Variants in CDH13 observed in about 807,000 individuals in gnomAD.
CDH13 encodes cadherin-13.
Under a neutral mutation model 63.8 loss-of-function variants are expected in CDH13, and 24 were observed. The ratio of observed to expected loss-of-function variants is 0.38; its 90% CI spans 0.27 to 0.53. The LOEUF (loss-of-function observed/expected upper bound fraction) is 0.53, where lower values mean the gene tolerates loss of function less well. Ranked by LOEUF, CDH13 falls within the 20% of genes least tolerant of loss-of-function variation. The pLI is 0.85. For missense variants in CDH13, 1,049 were observed against 903.1 expected, an observed-to-expected ratio of 1.16 and a Z score of -2.07; for synonymous variants, 503 against 355.3, an observed-to-expected ratio of 1.42 and a Z score of -4.67.
intron 1 of CDH13, among the ~76,000 whole-genome samples, chr16:82,774,730 G>A (rs944925020): frequency 6.6e-6 from 1 of 152,114 alleles, no homozygotes; most frequent in African/African-American, 2.4e-5. Flanking sequence ...GATAGGTGAG[G>A]CTCTGCTGCA....
chr16:83,628,336 G>A (rs917256886), intron 8 of CDH13, among the ~76,000 whole-genome samples: 3 of 152,122 alleles, frequency 2.0e-5, no homozygotes, highest in Admixed American at 6.5e-5. Context: ...TCAAACTCCT[G>A]AGCTCAAGTG....
At chr16:83,286,589 C>A (rs1442457118) in intron 5 of CDH13, among the ~76,000 whole-genome samples, 1 of 151,932 alleles carries the variant, frequency 6.6e-6, no homozygotes, top group Admixed American at 6.6e-5. Context: ...AACCCTGTCT[C>A]TACTAAAATA....
At chr16:83,482,754 G>C (rs1474059687) in intron 6 of CDH13, among the ~76,000 whole-genome samples, 1 of 152,170 alleles carries the variant, frequency 6.6e-6, no homozygotes, top group African/African-American at 2.4e-5. Flanking sequence ...ATGTGTGTGT[G>C]CACGTGTGTG....
intron 4 of CDH13, among the ~76,000 whole-genome samples, chr16:83,156,256 ATC>A (rs1380626765): frequency 1.3e-5 from 2 of 152,224 alleles, no homozygotes; most frequent in African/African-American, 4.8e-5. Flanking sequence ...ACCTCTTTTC[ATC>A]TCTCTTTGTT....
chr16:83,692,911 G>A (rs530764080), intron 10 of CDH13, among the ~76,000 whole-genome samples: 8 of 152,180 alleles, frequency 5.3e-5, no homozygotes, highest in Non-Finnish European at 7.4e-5. Flanking sequence ...GTGAAACCCC[G>A]CCTCTACTAA....
chr16:83,381,436 T>C (rs1392072927), intron 6 of CDH13, among the ~76,000 whole-genome samples: 1 of 152,030 alleles, frequency 6.6e-6, no homozygotes, highest in Non-Finnish European at 1.5e-5. Flanking sequence ...GCGTTCCCTA[T>C]CCATGTTCAT....
intron 11 of CDH13, among the ~76,000 whole-genome samples, chr16:83,778,457 G>A: frequency 6.6e-6 from 1 of 151,718 alleles, no homozygotes; most frequent in East Asian, 1.9e-4. Flanking sequence ...TTGAACCGAG[G>A]AGGCAGAGGT....
At chr16:83,461,586 G>T (rs1035432677) in intron 6 of CDH13, among the ~76,000 whole-genome samples, 1 of 152,142 alleles carries the variant, frequency 6.6e-6, no homozygotes, top group African/African-American at 2.4e-5. Context: ...AGTTCAAAAG[G>T]AGCCTTCTGT....
At chr16:83,260,085 A>C (rs1906779375) in intron 5 of CDH13, among the ~76,000 whole-genome samples, 1 of 135,528 alleles carries the variant, frequency 7.4e-6, no homozygotes, top group African/African-American at 2.7e-5. Context: ...TTTTGTAACC[A>C]TGTACCCCCA....
intron 1 of CDH13, chr16:82,824,409 G>A (rs571964529): frequency 1.3e-5 from 2 of 151,994 alleles, no homozygotes; most frequent in South Asian, 2.1e-4. Context: ...TAGGTAATAA[G>A]CAACGAAAAA....
chr16:82,922,080 A>G (rs976163811), intron 2 of CDH13, among the ~76,000 whole-genome samples: 3 of 152,152 alleles, frequency 2.0e-5, no homozygotes, highest in Non-Finnish European at 4.4e-5. Context: ...CCTTATAATC[A>G]TTTAAATTTC....
At chr16:83,236,067 C>G (rs889686253) in intron 5 of CDH13, among the ~76,000 whole-genome samples, 8 of 152,102 alleles carry the variant, frequency 5.3e-5, no homozygotes, top group Admixed American at 4.6e-4. Flanking sequence ...CCAAATGTGC[C>G]TATTTTAAGC....
chr16:83,205,726 T>TC (rs1210289698), intron 4 of CDH13, among the ~76,000 whole-genome samples: 1 of 149,228 alleles, frequency 6.7e-6, no homozygotes, highest in Admixed American at 6.8e-5. Flanking sequence ...TGCCTCAGCC[T>TC]CCCAAGTAGC....
chr16:82,674,116 T>G (rs755384564), intron 1 of CDH13, among the ~76,000 whole-genome samples: 6 of 152,168 alleles, frequency 3.9e-5, no homozygotes, highest in Non-Finnish European at 7.3e-5. Context: ...TTGAAATTCT[T>G]GATATGGATG....
At chr16:83,071,465 C>T (rs1394308616) in intron 3 of CDH13, among the ~76,000 whole-genome samples, 1 of 152,162 alleles carries the variant, frequency 6.6e-6, no homozygotes, top group African/African-American at 2.4e-5. Context: ...TCCTCCAAGC[C>T]TTGGTTAAAG....
intron 1 of CDH13, among the ~76,000 whole-genome samples, chr16:82,697,320 A>T (rs568122583): frequency 6.7e-6 from 1 of 149,018 alleles, no homozygotes; most frequent in African/African-American, 2.4e-5. Context: ...GGTACTGGTG[A>T]TTTCCATCTG....
At chr16:82,789,036 C>T (rs1304878857) in intron 1 of CDH13, among the ~76,000 whole-genome samples, 1 of 152,180 alleles carries the variant, frequency 6.6e-6, no homozygotes, top group Non-Finnish European at 1.5e-5. Context: ...AAGGAGGTTG[C>T]TCTGATTGTT....
intron 2 of CDH13, among the ~76,000 whole-genome samples, chr16:82,890,906 C>T (rs992124823): frequency 1.3e-5 from 2 of 152,126 alleles, no homozygotes; most frequent in African/African-American, 4.8e-5. Flanking sequence ...CCCACCGCAG[C>T]CTCCCAAAGT....
At chr16:82,663,281 G>A (rs529035714) in intron 1 of CDH13, among the ~76,000 whole-genome samples, 3 of 152,148 alleles carry the variant, frequency 2.0e-5, no homozygotes, top group African/African-American at 7.2e-5. Flanking sequence ...CTGCCTCCTA[G>A]GTTCAAGCGA....
Sources: gnomAD v4.1 joint callset for allele counts (sites outside exome capture counted in the v4.1 genomes callset) on GRCh38, gnomAD v4.1.1 for gene constraint, MANE v1.5 for transcripts, NCBI Gene and HGNC (gene_info 2026-07-23, HGNC 2026-07-21) for gene names.